Variants in DENND1C observed in about 807,000 individuals in gnomAD.
DENND1C encodes DENN domain-containing protein 1C.
DENND1C carries 64 observed loss-of-function variants against 87.9 expected under a neutral mutation model. The ratio of observed to expected loss-of-function variants is 0.73; its 90% confidence interval spans 0.60 to 0.90. The LOEUF is 0.90. Among genes scored for constraint, DENND1C ranks in the 40% least tolerant of loss-of-function variants. The pLI is 0.00. For synonymous variants in DENND1C, 384 were observed against 424.4 expected, an observed-to-expected ratio of 0.90 and a Z score of 1.17; for missense variants, 980 against 1,037.0, an observed-to-expected ratio of 0.95 and a Z score of 0.76.
intron 15 of DENND1C, 55 bp downstream of exon 15, chr19:6,472,834 G>C: frequency 7.3e-7 from 1 of 1,378,750 alleles, no homozygotes; most frequent in Non-Finnish European, 9.5e-7. Flanking sequence ...ACAAGCCCTC[G>C]GGGACTCAGC....
intron 14 of DENND1C, 37 bp downstream of exon 14, chr19:6,475,237 C>T: frequency 6.2e-7 from 1 of 1,610,228 alleles, no homozygotes; most frequent in Non-Finnish European, 8.5e-7. Flanking sequence ...CATTCAGGAA[C>T]CCACGAGACC....
Position 6,476,968 on chromosome 19 carries a change from CT to C in DENND1C, c.568-2del. The C allele has an allele frequency of 2.5e-6, 4 of 1,613,718 alleles. No homozygotes were observed. Among genetic ancestry groups the C allele is most frequent in the Non-Finnish European group, 3.4e-6 (4 of 1,179,806 alleles). ...CCACCACCAGCTCCGTTAGGTTCCT[CT>C]GAGGATCAGAGAGTCGCTCTGGGCG... On this transcript the variant is annotated splice_acceptor_variant, in intron 9 of 22. Transcript: ENST00000381480. LOFTEE classifies it high-confidence loss of function.
chr19:6,471,357 G>C, intron 16 of DENND1C, 49 bp downstream of exon 16: 1 of 1,590,010 alleles, frequency 6.3e-7, no homozygotes, highest in Non-Finnish European at 8.6e-7. Flanking sequence ...GAGGCTGGGG[G>C]TGCTGGTGGC....
Position 6,467,565 on chromosome 19 carries a change from T to C in DENND1C, c.2345A>G (p.Gln782Arg). Residue 782 changes from glutamine (Q) to arginine (R), a missense_variant, in exon 23 of 23, where the codon CAA becomes CGA. By Grantham distance (43) the Gln-to-Arg change is conservative. Coordinates refer to ENST00000381480, the MANE Select transcript of DENND1C (RefSeq NM_024898.4). ...NSPATPTSNC[Q>R]KSQPSSRPRV... is the part of the protein sequence containing the mutation. ...GGGCCGGCTGCTGGGCTGGGACTTT[T>C]GACAGTTGCTGGTGGGTGTAGCAGG... The C allele has an allele frequency of 6.2e-7, 1 of 1,607,580 alleles. No homozygotes were observed. The highest frequency in any genetic ancestry group is 8.5e-7 in the Non-Finnish European group (1 of 1,177,806).
chr19:6,471,224 C>T (rs1435784520), intron 17 of DENND1C, 41 bp downstream of exon 17: 3 of 1,558,924 alleles, frequency 1.9e-6, no homozygotes, highest in Non-Finnish European at 2.6e-6. Context: ...GGATTACAGG[C>T]CTAAGCCAAC....
rs747133632 is a variant in DENND1C at position 6,481,728 on chromosome 19, T to C, written c.-33A>G. The C allele has an allele frequency of 1.9e-6, 3 of 1,541,306 alleles. No individual in the cohort carries two copies. The highest frequency in any genetic ancestry group is 2.6e-6 in the Non-Finnish European group (3 of 1,147,264). ...GCAGGGCCAGCCCAGCGGGGCCCTCTCCCCAGGGGTCCTGGGGGCCTGTGT... is the reference window on the plus strand; with the variant it reads ...GCAGGGCCAGCCCAGCGGGGCCCTCCCCCCAGGGGTCCTGGGGGCCTGTGT... On this transcript the variant is annotated 5_prime_UTR_variant, in exon 1 of 23. Transcript: ENST00000381480.
At chr19:6,476,608 G>A in intron 10 of DENND1C, 1 of 499,214 alleles carries the variant, frequency 2.0e-6, no homozygotes, top group Non-Finnish European at 3.6e-6. Flanking sequence ...GGTGGAGCCA[G>A]ACGTGTTGCG....
intron 1 of DENND1C, chr19:6,480,498 G>A: frequency 1.0e-6 from 1 of 983,078 alleles, no homozygotes; most frequent in Non-Finnish European, 1.2e-6. Context: ...CTGTCTGTCT[G>A]TCTCTGTCTA....
At chr19:6,472,752 G>A in intron 15 of DENND1C, 137 bp downstream of exon 15, 1 of 601,092 alleles carries the variant, frequency 1.7e-6, no homozygotes, top group Non-Finnish European at 2.5e-6. Context: ...CCTGGAGTAG[G>A]GGATCCTGCT....
At chr19:6,475,648 G>T in intron 12 of DENND1C, 58 bp downstream of exon 12, 1 of 1,612,828 alleles carries the variant, frequency 6.2e-7, no homozygotes, top group Non-Finnish European at 8.5e-7. Context: ...GGGCATCTGG[G>T]GATGTAGAGG....
intron 1 of DENND1C, 115 bp from the exon 2 acceptor site, chr19:6,480,166 G>A (rs1451063088): frequency 6.6e-7 from 1 of 1,508,894 alleles, no homozygotes; most frequent in East Asian, 2.5e-5. Context: ...GTCGGCATGT[G>A]CATGACTCTG....
At chr19:6,471,199 C>A (rs2092827049) in intron 17 of DENND1C, 66 bp downstream of exon 17, 9 of 1,545,620 alleles carry the variant, frequency 5.8e-6, no homozygotes, top group Non-Finnish European at 7.9e-6. Context: ...TCTATCTCCA[C>A]CTCCTAATGT....
intron 1 of DENND1C, among the ~76,000 whole-genome samples, chr19:6,481,312 C>T (rs183016358): frequency 4.3e-4 from 66 of 152,178 alleles, no homozygotes; most frequent in African/African-American, 1.3e-3. Flanking sequence ...AAGTCACACA[C>T]GATCACCCAC....
Position 6,477,097 on chromosome 19 carries a change from G to T in DENND1C, c.544C>A (p.Arg182Ser), listed in dbSNP as rs1225988911. The change falls in exon 9 of 23, where the codon CGC becomes AGC. Residue 182 changes from arginine to serine, a missense_variant. Arg to Ser is a moderately radical substitution (Grantham distance 110). Transcript: ENST00000381480. ...ACGTTCTCAGGGATGGATGGCAGGC[G>T]GCCGGAGTCCGGGGCCACGAAGCAG... ...LSCFVAPDSGRLPSIPENRNL... is the reference protein window; with the variant it reads ...LSCFVAPDSGSLPSIPENRNL... The T allele has an allele frequency of 3.1e-6, 5 of 1,605,942 alleles. No individual in the cohort carries two copies. In the South Asian group the frequency reaches 5.5e-5, roughly 18 times the overall value.
At chr19:6,473,459 T>TG (rs1245697532) in intron 14 of DENND1C, among the ~76,000 whole-genome samples, 3 of 33,932 alleles carry the variant, frequency 8.8e-5, no homozygotes, top group African/African-American at 2.2e-4. Context: ...AGCCCTGGTT[T>TG]TTTTTTTTTT....
At position 6,467,831 on chromosome 19, in the gene DENND1C, A is replaced by G. The variant is rs371018474; in HGVS notation, c.2079T>C (p.Ser693=). Residue 693 remains serine (S), a synonymous_variant, in exon 23 of 23, where the codon TCT becomes TCC. Transcript: ENST00000381480. ...LTPSHKAAED[S]TAQENPTPWL... is the part of the protein sequence containing the mutation. ...AGGGAGTGGGGTTTTCCTGGGCTGTAGAATCTTCAGCTGCCTTGTGGGAAG... is the reference window on the plus strand; with the variant it reads ...AGGGAGTGGGGTTTTCCTGGGCTGTGGAATCTTCAGCTGCCTTGTGGGAAG... 8.7e-5 allele frequency: 137 copies of G among 1,568,918 alleles called. 2 individuals are homozygous for G. The African/African-American group carries it at 1.8e-3, about 20-fold the overall frequency.
chr19:6,477,752 T>A (rs1167999879), intron 6 of DENND1C, among the ~76,000 whole-genome samples: 1 of 147,426 alleles, frequency 6.8e-6, no homozygotes, highest in African/African-American at 2.4e-5. Flanking sequence ...CCCGGCTTTT[T>A]AAATTTTTTA....
At chr19:6,469,426 C>A in intron 19 of DENND1C, 170 bp downstream of exon 19, 1 of 673,266 alleles carries the variant, frequency 1.5e-6, no homozygotes, top group South Asian at 1.7e-5. Flanking sequence ...CTTCTAGACT[C>A]AAGCAATCCA....
At chr19:6,475,141 C>T in intron 14 of DENND1C, 133 bp downstream of exon 14, 1 of 1,423,658 alleles carries the variant, frequency 7.0e-7, no homozygotes, top group Non-Finnish European at 9.6e-7. Context: ...AAGCAATTCT[C>T]CCATCTCGGC....
Sources: gnomAD v4.1 joint callset for allele counts (sites outside exome capture counted in the v4.1 genomes callset) on GRCh38, gnomAD v4.1.1 for gene constraint, MANE v1.5 for transcripts, NCBI Gene and HGNC (gene_info 2026-07-23, HGNC 2026-07-21) for gene names.